Variants in CFDP1 observed in about 807,000 individuals in gnomAD.
The protein encoded by CFDP1 is chromatin remodeling protein CFDP1.
In CFDP1, 31 loss-of-function variants were observed where a neutral mutation model predicts 40.1. The observed-to-expected ratio is 0.77, with a 90% confidence interval of 0.58 to 1.04. CFDP1 has a LOEUF of 1.04. Ranked by LOEUF, CFDP1 falls within the 50% of genes least tolerant of loss-of-function variation. The pLI, the probability that CFDP1 is intolerant of heterozygous loss-of-function variation, is 0.00. For synonymous variants in CFDP1, 167 were observed against 120.0 expected (o/e 1.39, Z -2.56); for missense variants, 423 against 343.4 (o/e 1.23, Z -1.83).
chr16:75,431,617 C>G (rs942996157), intron 1 of CFDP1, among the ~76,000 whole-genome samples: 4 of 151,990 alleles, frequency 2.6e-5, no homozygotes, highest in Non-Finnish European at 5.9e-5. Context: ...CCAGCCTGAG[C>G]CACAGAGCGA....
At chr16:75,388,326 G>T (rs1219432394) in intron 5 of CFDP1, among the ~76,000 whole-genome samples, 2 of 152,308 alleles carry the variant, frequency 1.3e-5, no homozygotes, top group African/African-American at 4.8e-5. Flanking sequence ...TTATAAAAGG[G>T]TAAAGAATAT....
intron 1 of CFDP1, among the ~76,000 whole-genome samples, chr16:75,422,430 C>T (rs552107284): frequency 7.2e-6 from 1 of 139,222 alleles, no homozygotes; most frequent in Non-Finnish European, 1.5e-5. Flanking sequence ...GACAGAGTCT[C>T]GCTCTGTTGC....
chr16:75,424,061 A>G (rs2079308150), intron 1 of CFDP1, among the ~76,000 whole-genome samples: 1 of 152,232 alleles, frequency 6.6e-6, no homozygotes, highest in Non-Finnish European at 1.5e-5. Flanking sequence ...ACAGACAAAA[A>G]AAAAGAAAAA....
chr16:75,423,584 C>T (rs1018052649), intron 1 of CFDP1, among the ~76,000 whole-genome samples: 2 of 151,906 alleles, frequency 1.3e-5, no homozygotes, highest in East Asian at 1.9e-4. Flanking sequence ...GTGCGATCTC[C>T]GCTCACTGCA....
At chr16:75,430,020 G>C (rs1371249757) in intron 1 of CFDP1, among the ~76,000 whole-genome samples, 1 of 152,156 alleles carries the variant, frequency 6.6e-6, no homozygotes, top group African/African-American at 2.4e-5. Context: ...TACTGGTTTG[G>C]TCCATTAAGA....
chr16:75,357,215 G>A (rs1194326036), intron 5 of CFDP1, among the ~76,000 whole-genome samples: 1 of 151,544 alleles, frequency 6.6e-6, no homozygotes. Context: ...GACCAGCCTG[G>A]AAACAGCTTC....
At chr16:75,409,240 A>T (rs2079133920) in intron 4 of CFDP1, 1 of 152,224 alleles carries the variant, frequency 6.6e-6, no homozygotes, top group Non-Finnish European at 1.5e-5. Context: ...CTGTATAATT[A>T]CAAAATTCTT....
chr16:75,343,404 T>TA (rs1474666788), intron 5 of CFDP1, among the ~76,000 whole-genome samples: 12 of 152,180 alleles, frequency 7.9e-5, no homozygotes, highest in Non-Finnish European at 1.8e-4. Flanking sequence ...ATGGTTTCCT[T>TA]ACACTAAATG....
intron 5 of CFDP1, among the ~76,000 whole-genome samples, chr16:75,352,007 C>CAAAAAAAAA (rs3975153): frequency 7.8e-4 from 68 of 86,758 alleles, no homozygotes; most frequent in Non-Finnish European, 1.1e-3. Flanking sequence ...GACTCTGTCT[C>CAAAAAAAAA]AAAAAAAAAA....
chr16:75,305,258 G>A, intron 5 of CFDP1, 76 bp from the exon 6 acceptor site: 1 of 1,459,174 alleles, frequency 6.9e-7, no homozygotes, highest in South Asian at 1.2e-5. Context: ...TGATGCAAAT[G>A]GGAATCCCCT....
chr16:75,394,233 T>C (rs2078977803), intron 5 of CFDP1, among the ~76,000 whole-genome samples: 1 of 152,226 alleles, frequency 6.6e-6, no homozygotes, highest in African/African-American at 2.4e-5. Context: ...TGGGTCTATG[T>C]TCACTTCCCT....
intron 5 of CFDP1, among the ~76,000 whole-genome samples, chr16:75,317,174 G>A (rs1446239320): frequency 6.6e-6 from 1 of 152,182 alleles, no homozygotes; most frequent in Non-Finnish European, 1.5e-5. Context: ...AAGGCCTGGT[G>A]CCTGGTACGC....
At chr16:75,298,871 A>G (rs1303657882) in intron 6 of CFDP1, among the ~76,000 whole-genome samples, 1 of 152,174 alleles carries the variant, frequency 6.6e-6, no homozygotes, top group Non-Finnish European at 1.5e-5. Context: ...TGGAGAAAGA[A>G]AATTATTTTC....
chr16:75,420,050 G>A (rs1477068077), intron 1 of CFDP1, among the ~76,000 whole-genome samples: 1 of 131,866 alleles, frequency 7.6e-6, no homozygotes, highest in Admixed American at 9.2e-5. Flanking sequence ...AGCTACCTCA[G>A]AAGCTCTCTT....
At chr16:75,425,125 C>T (rs1174252548) in intron 1 of CFDP1, among the ~76,000 whole-genome samples, 2 of 151,842 alleles carry the variant, frequency 1.3e-5, no homozygotes, top group African/African-American at 2.4e-5. Flanking sequence ...AATATAAGAT[C>T]GTTAAATTGT....
chr16:75,381,683 T>C (rs931849840), intron 5 of CFDP1, among the ~76,000 whole-genome samples: 1 of 152,178 alleles, frequency 6.6e-6, no homozygotes, highest in African/African-American at 2.4e-5. Flanking sequence ...TTCACTTCTG[T>C]AATATGGGAG....
At chr16:75,307,672 C>T (rs2078267917) in intron 5 of CFDP1, among the ~76,000 whole-genome samples, 1 of 152,204 alleles carries the variant, frequency 6.6e-6, no homozygotes, top group African/African-American at 2.4e-5. Flanking sequence ...GATCCTCCCA[C>T]CTCAGTCTCC....
At chr16:75,316,298 A>C (rs1318939521) in intron 5 of CFDP1, among the ~76,000 whole-genome samples, 1 of 152,202 alleles carries the variant, frequency 6.6e-6, no homozygotes, top group Non-Finnish European at 1.5e-5. Context: ...TATGTGAGAT[A>C]ATACTCTCAG....
chr16:75,412,181 G>A (rs2079169120), intron 3 of CFDP1, among the ~76,000 whole-genome samples: 1 of 152,100 alleles, frequency 6.6e-6, no homozygotes, highest in African/African-American at 2.4e-5. Flanking sequence ...ACCACACCCA[G>A]CTAATTTTTG....
Sources: allele counts gnomAD v4.1 joint callset (sites outside exome capture counted in the v4.1 genomes callset), GRCh38; gene constraint gnomAD v4.1.1; transcripts MANE v1.5; gene names NCBI Gene and HGNC (gene_info 2026-07-23, HGNC 2026-07-21).